PPFIA1: variants seen among roughly 807,000 people sequenced by gnomAD.
The protein encoded by PPFIA1 is PPFI scaffold protein A1.
PPFIA1 carries 25 observed loss-of-function variants against 149.9 expected under a neutral mutation model. That is an observed-to-expected ratio of 0.17 (90% CI 0.12 to 0.23). The LOEUF is 0.23. Ranked by LOEUF, PPFIA1 falls within the 10% of genes least tolerant of loss-of-function variation. The pLI, the probability that PPFIA1 is intolerant of heterozygous loss-of-function variation, is 1.00. For missense variants in PPFIA1, 1,362 were observed against 1,506.5 expected (o/e 0.90, Z 1.59); for synonymous variants, 549 against 552.8 (o/e 0.99, Z 0.10).
At chr11:70,277,060 A>ATT (rs1555076271) in intron 2 of PPFIA1, among the ~76,000 whole-genome samples, 9,990 of 66,110 alleles carry the variant, frequency 0.15, 1,095 homozygotes, top group South Asian at 0.2. Flanking sequence ...ATATATATAT[A>ATT]TTTTTTTTTT....
intron 26 of PPFIA1, among the ~76,000 whole-genome samples, chr11:70,381,724 G>C (rs2057722253): frequency 6.6e-6 from 1 of 152,246 alleles, no homozygotes; most frequent in Non-Finnish European, 1.5e-5. Flanking sequence ...GGAGCACTTA[G>C]GGCAGGGAGA....
At chr11:70,311,330 G>A (rs970945009) in intron 2 of PPFIA1, among the ~76,000 whole-genome samples, 3 of 151,822 alleles carry the variant, frequency 2.0e-5, no homozygotes, top group African/African-American at 7.3e-5. Context: ...AAAGATAAAG[G>A]CAGGTGCAGG....
chr11:70,367,553 G>A (rs767032785), intron 21 of PPFIA1: 1 of 455,932 alleles, frequency 2.2e-6, no homozygotes. Context: ...GTCTCTTCTA[G>A]TTCAGATGTT....
intron 21 of PPFIA1, among the ~76,000 whole-genome samples, chr11:70,370,962 G>A (rs186216356): frequency 1.4e-4 from 21 of 152,116 alleles, no homozygotes; most frequent in South Asian, 6.2e-4. Context: ...TTGAAACCCC[G>A]TCTGTACTAA....
In PPFIA1 at chr11:70,384,312, G is replaced by T. The variant is rs1303266636; in HGVS notation, c.*1322G>T. 6.6e-6 allele frequency: 1 copy of T among 152,624 alleles called. No individual in the cohort carries two copies. The highest frequency in any genetic ancestry group is 1.5e-5 in the Non-Finnish European group (1 of 68,038). 9.5% of individuals were successfully genotyped at this position (152,624 alleles called of 1,614,324 possible). On this transcript the variant is annotated 3_prime_UTR_variant, in exon 28 of 28. Coordinates refer to ENST00000253925, the MANE Select transcript of PPFIA1 (RefSeq NM_003626.5). Reference sequence around the variant, plus strand: ...ACTTCCTGATTATGTAACAAAGTATGTACAGTCTACTTTTGAACTATTTTT... The same window carrying T: ...ACTTCCTGATTATGTAACAAAGTATTTACAGTCTACTTTTGAACTATTTTT...
intron 2 of PPFIA1, among the ~76,000 whole-genome samples, chr11:70,285,733 T>C (rs1209071353): frequency 1.3e-5 from 2 of 150,074 alleles, no homozygotes; most frequent in African/African-American, 4.9e-5. Flanking sequence ...CACAGAACAA[T>C]GTGTACTTTT....
chr11:70,382,731 A>G (rs1159940274), intron 27 of PPFIA1, among the ~76,000 whole-genome samples: 1 of 152,134 alleles, frequency 6.6e-6, no homozygotes, highest in Non-Finnish European at 1.5e-5. Context: ...CTCCGTTGGA[A>G]TATTTGACTG....
At chr11:70,275,779 A>G (rs1011804333) in intron 2 of PPFIA1, among the ~76,000 whole-genome samples, 2 of 152,184 alleles carry the variant, frequency 1.3e-5, no homozygotes, top group Non-Finnish European at 2.9e-5. Context: ...TTGCACAAAT[A>G]GCACAATGTC....
chr11:70,278,323 A>C (rs1170360139), intron 2 of PPFIA1, among the ~76,000 whole-genome samples: 1 of 152,142 alleles, frequency 6.6e-6, no homozygotes, highest in Non-Finnish European at 1.5e-5. Flanking sequence ...GGTGTGAGCC[A>C]CTGTGCCCAA....
intron 15 of PPFIA1, chr11:70,345,984 A>G (rs957544562): frequency 4.4e-6 from 2 of 455,262 alleles, no homozygotes; most frequent in Admixed American, 2.4e-5. Context: ...TGAAGTTAAC[A>G]TGGACAGTGA....
intron 2 of PPFIA1, among the ~76,000 whole-genome samples, chr11:70,313,226 T>C (rs1455752329): frequency 6.6e-6 from 1 of 152,176 alleles, no homozygotes; most frequent in Non-Finnish European, 1.5e-5. Flanking sequence ...TGTCACCTGA[T>C]AGAGTATCAA....
At position 70,332,035 on chromosome 11, in the gene PPFIA1, G is replaced by A. The variant is rs2054698809; in HGVS notation, c.1153G>A (p.Ala385Thr). ...AAAGCTGCAACAGACACTGAGGAAG[G>A]CAGAGACGCTCCCGGAGGTGGAGGC... Reference protein sequence around the residue: ...EQKLQQTLRKAETLPEVEAEL... With the variant: ...EQKLQQTLRKTETLPEVEAEL... The change falls in exon 9 of 28, where the codon GCA (alanine) becomes ACA (threonine). Residue 385 changes from alanine (A) to threonine (T), a missense_variant. Ala to Thr is a moderately conservative substitution (Grantham distance 58). This residue lies in a region of PPFIA1 where 733 missense variants were observed against 744.1 expected (regional missense o/e 0.99). Coordinates refer to ENST00000253925, the MANE Select transcript of PPFIA1 (RefSeq NM_003626.5). 1 of 1,613,282 alleles carries A rather than the reference G, an allele frequency of 6.2e-7. No individual in the cohort carries two copies. The highest frequency in any genetic ancestry group is 1.1e-5 in the South Asian group (1 of 91,008).
At chr11:70,382,288 T>C (rs554479740) in intron 27 of PPFIA1, 130 bp downstream of exon 27, 5 of 594,288 alleles carry the variant, frequency 8.4e-6, no homozygotes, top group South Asian at 2.3e-5. Context: ...AAAATATATA[T>C]AGACACAAGC....
chr11:70,298,998 G>A (rs2052288079), intron 2 of PPFIA1, among the ~76,000 whole-genome samples: 1 of 152,166 alleles, frequency 6.6e-6, no homozygotes, highest in African/African-American at 2.4e-5. Flanking sequence ...CAGCACTTTG[G>A]GAGGCTGAGG....
intron 2 of PPFIA1, among the ~76,000 whole-genome samples, chr11:70,275,415 A>C (rs997235933): frequency 5.3e-5 from 8 of 152,334 alleles, no homozygotes; most frequent in African/African-American, 1.4e-4. Context: ...CTTTTGATAC[A>C]TAGAAGTGTA....
At chr11:70,299,160 G>T (rs1217008065) in intron 2 of PPFIA1, among the ~76,000 whole-genome samples, 1 of 152,086 alleles carries the variant, frequency 6.6e-6, no homozygotes, top group African/African-American at 2.4e-5. Flanking sequence ...GATCACTTGA[G>T]CCTGGTAGGT....
At chr11:70,308,811 C>A (rs2053058473) in intron 2 of PPFIA1, among the ~76,000 whole-genome samples, 1 of 152,096 alleles carries the variant, frequency 6.6e-6, no homozygotes. Flanking sequence ...CATTGTGGTG[C>A]ACGTCTGTAG....
chr11:70,357,213 G>A (rs1480365878), intron 19 of PPFIA1, among the ~76,000 whole-genome samples: 2 of 152,160 alleles, frequency 1.3e-5, no homozygotes, highest in South Asian at 2.1e-4. Flanking sequence ...GAAACTTGAC[G>A]GGCTGTATGA....
chr11:70,335,438 C>A, intron 10 of PPFIA1, 125 bp from the exon 11 acceptor site: 3 of 1,088,226 alleles, frequency 2.8e-6, no homozygotes, highest in Non-Finnish European at 4.0e-6. Flanking sequence ...CTCAAGATGG[C>A]AGTGTGGGGA....
Sources: gnomAD v4.1 joint callset for allele counts (sites outside exome capture counted in the v4.1 genomes callset) on GRCh38, gnomAD v4.1.1 for gene constraint, gnomAD v4.1.1 regional missense constraint, MANE v1.5 for transcripts, NCBI Gene and HGNC (gene_info 2026-07-23, HGNC 2026-07-21) for gene names.